The following ERC2 variants were observed in gnomAD, a reference collection of about 807,000 sequenced individuals.
ERC2 encodes ELKS/RAB6-interacting/CAST family member 2, also known as ERC protein 2.
ERC2 carries 42 observed loss-of-function variants against 114.8 expected under a neutral mutation model. The ratio of observed to expected loss-of-function variants is 0.37; its 90% CI spans 0.29 to 0.47. The LOEUF (loss-of-function observed/expected upper bound fraction) is 0.47, where lower values mean the gene tolerates loss of function less well. Among genes scored for constraint, ERC2 ranks in the 20% least tolerant of loss-of-function variants. ERC2 has a pLI of 0.99. For missense variants in ERC2, 939 were observed against 1,150.7 expected (o/e 0.82, Z 2.66); for synonymous variants, 454 against 425.5 (o/e 1.07, Z -0.82).
At chr3:56,065,080 T>C (rs2076409798) in intron 7 of ERC2, among the ~76,000 whole-genome samples, 1 of 152,290 alleles carries the variant, frequency 6.6e-6, no homozygotes, top group Middle Eastern at 3.4e-3. Context: ...AGATACAACA[T>C]AGCATTTTAG....
At chr3:56,405,603 AGATAGATG>A (rs2060685349) in intron 2 of ERC2, among the ~76,000 whole-genome samples, 1 of 151,766 alleles carries the variant, frequency 6.6e-6, no homozygotes, top group African/African-American at 2.4e-5. Flanking sequence ...TACATAGCAT[AGATAGATG>A]GATAGATGGA....
chr3:56,063,243 C>T (rs1391691891), intron 7 of ERC2, among the ~76,000 whole-genome samples: 1 of 152,156 alleles, frequency 6.6e-6, no homozygotes, highest in Admixed American at 6.5e-5. Context: ...CCACAAAGGG[C>T]AGCACAAGGG....
intron 2 of ERC2, among the ~76,000 whole-genome samples, chr3:56,386,776 T>C (rs923169330): frequency 3.3e-5 from 5 of 152,156 alleles, no homozygotes; most frequent in South Asian, 2.1e-4. Flanking sequence ...CTAGGTCACA[T>C]AGAAACATGG....
chr3:55,870,574 A>T (rs1375327975), intron 14 of ERC2, among the ~76,000 whole-genome samples: 3 of 152,188 alleles, frequency 2.0e-5, no homozygotes, highest in African/African-American at 7.2e-5. Flanking sequence ...TCACAGAGCC[A>T]GCAGAGCAGG....
chr3:56,043,745 A>G (rs2075320018), intron 7 of ERC2, among the ~76,000 whole-genome samples: 2 of 152,160 alleles, frequency 1.3e-5, no homozygotes, highest in Admixed American at 1.3e-4. Flanking sequence ...ACAAGATAGT[A>G]CCTGCCTTTC....
At chr3:56,054,537 C>T in intron 7 of ERC2, among the ~76,000 whole-genome samples, 1 of 152,178 alleles carries the variant, frequency 6.6e-6, no homozygotes, top group East Asian at 1.9e-4. Flanking sequence ...GTCCTATCAT[C>T]TCTGTTGGGT....
chr3:56,381,557 AT>A (rs1047255194), intron 2 of ERC2, among the ~76,000 whole-genome samples: 2 of 152,108 alleles, frequency 1.3e-5, no homozygotes, highest in African/African-American at 4.8e-5. Flanking sequence ...TTAAAAAAAA[AT>A]ATGTTAGCCA....
chr3:55,686,945 G>A (rs2062365266), intron 16 of ERC2, among the ~76,000 whole-genome samples: 1 of 152,174 alleles, frequency 6.6e-6, no homozygotes. Flanking sequence ...CCGAAGCCCA[G>A]AGAGCACAGT....
chr3:55,652,749 C>T (rs1276837050), intron 17 of ERC2, among the ~76,000 whole-genome samples: 1 of 150,664 alleles, frequency 6.6e-6, no homozygotes, highest in Non-Finnish European at 1.5e-5. Context: ...TGGCAGGTGC[C>T]TGTAATCTCC....
intron 13 of ERC2, among the ~76,000 whole-genome samples, chr3:55,939,700 A>T (rs758248064): frequency 3.3e-5 from 5 of 152,222 alleles, no homozygotes; most frequent in Admixed American, 6.5e-5. Context: ...GACCTGAACA[A>T]TTAGGAGAAA....
At chr3:56,345,737 G>A (rs1344276885) in intron 2 of ERC2, among the ~76,000 whole-genome samples, 1 of 152,154 alleles carries the variant, frequency 6.6e-6, no homozygotes, top group Non-Finnish European at 1.5e-5. Flanking sequence ...GAGCAGTATT[G>A]AGGTTTCCGC....
At chr3:55,636,371 G>A (rs1434820770) in intron 17 of ERC2, among the ~76,000 whole-genome samples, 1 of 152,092 alleles carries the variant, frequency 6.6e-6, no homozygotes, top group Non-Finnish European at 1.5e-5. Flanking sequence ...TAACCTTGGG[G>A]AAATCATTCA....
chr3:55,571,744 A>G (rs1166472720), intron 17 of ERC2, among the ~76,000 whole-genome samples: 1 of 152,140 alleles, frequency 6.6e-6, no homozygotes, highest in Non-Finnish European at 1.5e-5. Context: ...TGGAATTGTG[A>G]GCAACAAATC....
chr3:55,549,523 C>T (rs894305276), intron 17 of ERC2, among the ~76,000 whole-genome samples: 1 of 141,298 alleles, frequency 7.1e-6, no homozygotes, highest in Admixed American at 7.5e-5. Flanking sequence ...GTTTTCAAAG[C>T]CTTTCCACAT....
intron 17 of ERC2, among the ~76,000 whole-genome samples, chr3:55,578,957 G>T (rs978361644): frequency 2.6e-5 from 4 of 152,182 alleles, no homozygotes; most frequent in Non-Finnish European, 5.9e-5. Context: ...GGAGTGGGGA[G>T]AGAGACAGAG....
At chr3:56,095,059 C>G (rs1020276281) in intron 6 of ERC2, among the ~76,000 whole-genome samples, 1 of 152,072 alleles carries the variant, frequency 6.6e-6, no homozygotes, top group Non-Finnish European at 1.5e-5. Context: ...TTGAGGCAAG[C>G]CTGAGCAACG....
intron 14 of ERC2, among the ~76,000 whole-genome samples, chr3:55,809,574 C>A (rs62249353): frequency 0.096 from 14,608 of 152,124 alleles, 1,157 homozygotes; most frequent in African/African-American, 0.22. Flanking sequence ...AAAATTTTAA[C>A]TTGATTACCT....
intron 1 of ERC2, among the ~76,000 whole-genome samples, chr3:56,455,088 T>C (rs1234854278): frequency 6.6e-6 from 1 of 152,032 alleles, no homozygotes; most frequent in Non-Finnish European, 1.5e-5. Context: ...CTAGTTTCAG[T>C]ATGGGATGAT....
chr3:56,279,583 G>A (rs2054216792), intron 3 of ERC2, among the ~76,000 whole-genome samples: 1 of 152,238 alleles, frequency 6.6e-6, no homozygotes, highest in South Asian at 2.1e-4. Context: ...GGAGAGGCAA[G>A]TGAGAAAGGA....
Sources: allele counts gnomAD v4.1 joint callset (sites outside exome capture counted in the v4.1 genomes callset), GRCh38; gene constraint gnomAD v4.1.1; transcripts MANE v1.5; gene names NCBI Gene and HGNC (gene_info 2026-07-23, HGNC 2026-07-21).